Variants in CAMTA1 observed in about 807,000 individuals in gnomAD.
The protein encoded by CAMTA1 is calmodulin binding transcription activator 1.
CAMTA1 carries 27 observed loss-of-function variants against 170.9 expected under a neutral mutation model. That is an observed-to-expected ratio of 0.16 (90% CI 0.12 to 0.22). The LOEUF is 0.22. Among genes scored for constraint, CAMTA1 ranks in the 10% least tolerant of loss-of-function variants. The probability of loss-of-function intolerance (pLI) is 1.00; values close to 1 mark genes in which losing one functional copy is unlikely to be tolerated. For missense variants in CAMTA1, 1,619 were observed against 2,217.2 expected (o/e 0.73, Z 5.42); for synonymous variants, 833 against 891.5 (o/e 0.93, Z 1.17).
At chr1:7,632,983 G>A (rs374051124) in intron 6 of CAMTA1, among the ~76,000 whole-genome samples, 20 of 152,226 alleles carry the variant, frequency 1.3e-4, no homozygotes, top group African/African-American at 4.6e-4. Flanking sequence ...GAGCGCTGCT[G>A]GGGGCCAGGC....
intron 5 of CAMTA1, among the ~76,000 whole-genome samples, chr1:7,259,948 C>G (rs1386673844): frequency 6.6e-6 from 1 of 152,278 alleles, no homozygotes; most frequent in South Asian, 2.1e-4. Flanking sequence ...GTATTGAGTA[C>G]CTTTGGTGCC....
chr1:7,034,455 T>C (rs1290921424), intron 3 of CAMTA1, among the ~76,000 whole-genome samples: 1 of 152,154 alleles, frequency 6.6e-6, no homozygotes, highest in Non-Finnish European at 1.5e-5. Flanking sequence ...GCCCAGCCGA[T>C]TGTTGTTTTT....
At chr1:7,324,242 T>C (rs1282966207) in intron 5 of CAMTA1, among the ~76,000 whole-genome samples, 1 of 152,216 alleles carries the variant, frequency 6.6e-6, no homozygotes, top group African/African-American at 2.4e-5. Flanking sequence ...GTGATCCTCT[T>C]TATCTCTAGT....
intron 5 of CAMTA1, among the ~76,000 whole-genome samples, chr1:7,423,722 G>C (rs891760501): frequency 6.6e-6 from 1 of 151,936 alleles, no homozygotes; most frequent in Non-Finnish European, 1.5e-5. Flanking sequence ...TACCTCCCAG[G>C]GCCATCACTG....
chr1:7,310,696 C>T lies in CAMTA1; in HGVS notation c.438+61070C>T, dbSNP rs868120320. On this transcript the variant is annotated intron_variant, in intron 5 of 22. Coordinates refer to ENST00000303635, the MANE Select transcript of CAMTA1 (RefSeq NM_015215.4). ...CCTTTCTTTCTCTCTCTCTCTCTCT[C>T]TCTCTCTTTCTTTCTTTCTTTCTTT... is the stretch of plus-strand genomic sequence containing the variant. 8.3e-4 allele frequency among the ~76,000 whole-genome samples: 36 copies of T among 43,626 alleles called. 1 individual carries two copies. The highest frequency in any genetic ancestry group is 3.8e-3 in the African/African-American group (28 of 7,298). 28.6% of individuals were successfully genotyped at this position (43,626 alleles called of 152,430 possible). A position where few individuals can be genotyped will look rare whatever the true frequency, so the allele number is the denominator to read the frequency against.
At chr1:7,702,086 A>C (rs1291571521) in intron 11 of CAMTA1, among the ~76,000 whole-genome samples, 3 of 151,928 alleles carry the variant, frequency 2.0e-5, no homozygotes, top group Non-Finnish European at 4.4e-5. Context: ...ACTCCAGGAG[A>C]AGAACGAGCC....
chr1:7,230,318 GAAGA>G (rs1184681164), intron 4 of CAMTA1, among the ~76,000 whole-genome samples: 3 of 151,940 alleles, frequency 2.0e-5, no homozygotes, highest in Admixed American at 2.0e-4. Flanking sequence ...GGTGGAAGAG[GAAGA>G]AAGAGTCTTT....
intron 3 of CAMTA1, among the ~76,000 whole-genome samples, chr1:6,849,574 A>G (rs1356960666): frequency 1.3e-5 from 2 of 152,050 alleles, no homozygotes; most frequent in Non-Finnish European, 2.9e-5. Flanking sequence ...AGACTGAGCA[A>G]TAGGGATCAG....
chr1:7,647,288 G>A (rs1170078851), intron 7 of CAMTA1, among the ~76,000 whole-genome samples: 1 of 151,412 alleles, frequency 6.6e-6, no homozygotes, highest in Middle Eastern at 3.2e-3. Flanking sequence ...AGGGGGGGGG[G>A]CTGTGTTTAT....
chr1:7,372,569 C>G (rs1164984780), intron 5 of CAMTA1, among the ~76,000 whole-genome samples: 1 of 152,226 alleles, frequency 6.6e-6, no homozygotes, highest in Non-Finnish European at 1.5e-5. Flanking sequence ...ATTACGTAGC[C>G]TTGCCCGTGA....
intron 5 of CAMTA1, among the ~76,000 whole-genome samples, chr1:7,437,762 G>C (rs549024850): frequency 1.1e-3 from 168 of 152,182 alleles, no homozygotes; most frequent in Non-Finnish European, 1.9e-3. Flanking sequence ...TGCCTCCCCA[G>C]CTGGCCCTGT....
intron 21 of CAMTA1, among the ~76,000 whole-genome samples, chr1:7,753,066 A>G (rs2096908733): frequency 6.6e-6 from 1 of 152,202 alleles, no homozygotes; most frequent in Non-Finnish European, 1.5e-5. Context: ...CCGGTCCGTG[A>G]TGAGGAACAG....
intron 9 of CAMTA1, among the ~76,000 whole-genome samples, chr1:7,669,846 C>T (rs1468489235): frequency 1.3e-5 from 2 of 152,342 alleles, no homozygotes; most frequent in South Asian, 2.1e-4. Flanking sequence ...CCCCTCTCCT[C>T]GGCTAAGCCG....
At chr1:6,990,904 T>G (rs1351408756) in intron 3 of CAMTA1, among the ~76,000 whole-genome samples, 2 of 151,804 alleles carry the variant, frequency 1.3e-5, no homozygotes, top group African/African-American at 2.4e-5. Flanking sequence ...GTTACATGGA[T>G]TAATTTGGTG....
chr1:6,830,152 G>A (rs552774635), intron 3 of CAMTA1, among the ~76,000 whole-genome samples: 20 of 143,026 alleles, frequency 1.4e-4, no homozygotes, highest in Admixed American at 1.2e-3. Flanking sequence ...TTCTCCTGCC[G>A]TAGCCTCCCG....
chr1:6,786,190 C>G (rs1639269430), intron 1 of CAMTA1, among the ~76,000 whole-genome samples: 1 of 151,978 alleles, frequency 6.6e-6, no homozygotes, highest in Non-Finnish European at 1.5e-5. Context: ...CTTCTCCCCG[C>G]CAGGGGGACC....
chr1:7,592,131 T>C lies in CAMTA1; in HGVS notation c.511-48269T>C, dbSNP rs569222927. Reference sequence around the variant, plus strand: ...CCAGGCTGGTCTCGAACTCCTGACCTCAGATGATCTGCCCGCCTCAACCTC... The same window carrying C: ...CCAGGCTGGTCTCGAACTCCTGACCCCAGATGATCTGCCCGCCTCAACCTC... On this transcript the variant is annotated intron_variant, in intron 6 of 22. Coordinates refer to ENST00000303635, the MANE Select transcript of CAMTA1 (RefSeq NM_015215.4). The surrounding 1 kb of genome is among the most constrained non-coding windows in gnomAD (Gnocchi z 4.6). 1.4e-4 allele frequency among the ~76,000 whole-genome samples: 21 copies of C among 152,230 alleles called. 1 individual carries two copies. The East Asian group carries it at 2.3e-3, about 17-fold the overall frequency.
chr1:6,843,741 A>G (rs1224831609), intron 3 of CAMTA1, among the ~76,000 whole-genome samples: 1 of 152,146 alleles, frequency 6.6e-6, no homozygotes, highest in African/African-American at 2.4e-5. Context: ...CAGCTTCCCA[A>G]AGTGCTGGGA....
At chr1:7,108,849 A>G (rs942506153) in intron 4 of CAMTA1, among the ~76,000 whole-genome samples, 7 of 152,210 alleles carry the variant, frequency 4.6e-5, no homozygotes, top group Admixed American at 3.3e-4. Context: ...ATCCAGGACA[A>G]CTTAGCCAGG....
Sources: allele counts gnomAD v4.1 joint callset (sites outside exome capture counted in the v4.1 genomes callset), GRCh38; gene constraint gnomAD v4.1.1; non-coding constraint Gnocchi (gnomAD v3.1); transcripts MANE v1.5; gene names NCBI Gene and HGNC (gene_info 2026-07-23, HGNC 2026-07-21).